PANX1: variants seen among roughly 807,000 people sequenced by gnomAD.
The protein encoded by PANX1 is pannexin 1, also known as pannexin-1.
Under a neutral mutation model 38.7 loss-of-function variants are expected in PANX1, and 30 were observed. The observed-to-expected ratio is 0.78, with a 90% confidence interval of 0.58 to 1.05. PANX1 has a LOEUF of 1.05. Among genes scored for constraint, PANX1 ranks in the 50% least tolerant of loss-of-function variants. PANX1 has a pLI of 0.00. For missense variants in PANX1, 551 were observed against 517.2 expected, an observed-to-expected ratio of 1.07 and a Z score of -0.63; for synonymous variants, 230 against 212.2, an observed-to-expected ratio of 1.08 and a Z score of -0.73.
intron 1 of PANX1, among the ~76,000 whole-genome samples, chr11:94,130,300 C>T (rs1343893478): frequency 1.3e-5 from 2 of 152,164 alleles, no homozygotes; most frequent in Non-Finnish European, 2.9e-5. Context: ...TTTGGGAAAA[C>T]TTTTGTCAGA....
intron 1 of PANX1, among the ~76,000 whole-genome samples, chr11:94,132,165 C>G (rs1394943232): frequency 6.6e-6 from 1 of 152,128 alleles, no homozygotes; most frequent in Non-Finnish European, 1.5e-5. Context: ...ATCATCAGAC[C>G]TTGCTAATTG....
chr11:94,139,843 T>TTAAAAGATG lies in PANX1; in HGVS notation c.181+10352_181+10353insAAAGATGTA, dbSNP rs1946740934. ...TCTGAACCTCGCTCTGTGTATCTCT[T>TTAAAAGATG]TACCTGTCTGTTCATTTGTATCCTT... On this transcript the variant is annotated intron_variant, in intron 1 of 4. Transcript: ENST00000227638. Among the ~76,000 whole-genome samples the TTAAAAGATG allele has an allele frequency of 2.0e-5, 3 of 152,238 alleles. No individual in the cohort carries two copies. In the East Asian group the frequency reaches 5.8e-4, roughly 29 times the overall value.
intron 1 of PANX1, among the ~76,000 whole-genome samples, chr11:94,139,828 GCT>G (rs1946740580): frequency 6.6e-6 from 1 of 152,172 alleles, no homozygotes; most frequent in African/African-American, 2.4e-5. Context: ...TCTGAACCTC[GCT>G]CTGTGTATCT....
chr11:94,147,415 A>C (rs956311928), intron 1 of PANX1, among the ~76,000 whole-genome samples: 113 of 151,990 alleles, frequency 7.4e-4, no homozygotes, highest in African/African-American at 2.6e-3. Flanking sequence ...TGACATTTAC[A>C]TTGGAATTAT....
intron 1 of PANX1, among the ~76,000 whole-genome samples, chr11:94,131,624 G>A (rs1396582246): frequency 1.3e-5 from 2 of 152,220 alleles, no homozygotes; most frequent in African/African-American, 2.4e-5. Flanking sequence ...AGACTCCCAT[G>A]TTTTCTGAAG....
At chr11:94,131,179 G>T (rs1946625710) in intron 1 of PANX1, among the ~76,000 whole-genome samples, 2 of 152,142 alleles carry the variant, frequency 1.3e-5, no homozygotes, top group Non-Finnish European at 2.9e-5. Context: ...TGCAAGTCTT[G>T]GGTACCTGGT....
At chr11:94,134,773 C>G (rs189230108) in intron 1 of PANX1, among the ~76,000 whole-genome samples, 2 of 151,918 alleles carry the variant, frequency 1.3e-5, no homozygotes, top group Non-Finnish European at 2.9e-5. Flanking sequence ...TGTGTGAGCA[C>G]GCTGGGAGAA....
Position 94,181,130 on chromosome 11 carries a change from G to C in PANX1, c.*261G>C, listed in dbSNP as rs555217309. 2 of 426,524 alleles carry C rather than the reference G, an allele frequency of 4.7e-6. No individual in the cohort carries two copies. Among genetic ancestry groups the C allele is most frequent in the African/African-American group, 2.0e-5 (1 of 51,076 alleles). The allele number at this position is 426,524 out of a possible 1,614,324, so 26.4% of individuals were successfully genotyped here. A position where few individuals can be genotyped will look rare whatever the true frequency, so the allele number is the denominator to read the frequency against. Reference sequence around the variant, plus strand: ...TGTGTAAGTCCTCATCAAATGAAAAGCAGAAAGACAAGAACAATTAGTCAA... The same window carrying C: ...TGTGTAAGTCCTCATCAAATGAAAACCAGAAAGACAAGAACAATTAGTCAA... On this transcript the variant is annotated 3_prime_UTR_variant, in exon 5 of 5. Coordinates refer to ENST00000227638, the MANE Select transcript of PANX1 (RefSeq NM_015368.4).
Position 94,158,206 on chromosome 11 carries a change from GC to G in PANX1, c.321+4577del, listed in dbSNP as rs542032766. 2.1e-4 allele frequency among the ~76,000 whole-genome samples: 32 copies of G among 152,186 alleles called. No homozygotes were observed. In the South Asian group the frequency reaches 6.6e-3, roughly 32 times the overall value. On this transcript the variant is annotated intron_variant, in intron 2 of 4. Transcript: ENST00000227638. The stretch of plus-strand genomic sequence containing the variant: ...TGATGCCTCCAGCTTAGTTCTTTTG[GC>G]TTAGGATTGACTTGGCGATGCAGGC...
chr11:94,178,343 C>G, intron 2 of PANX1, 26 bp from the exon 3 acceptor site: 1 of 1,571,512 alleles, frequency 6.4e-7, no homozygotes. Context: ...TTTGTTAAGC[C>G]CATGATTTGT....
intron 2 of PANX1, among the ~76,000 whole-genome samples, chr11:94,157,062 C>A (rs529112809): frequency 6.6e-6 from 1 of 152,086 alleles, no homozygotes; most frequent in East Asian, 1.9e-4. Context: ...TGAACTCATC[C>A]TTTTTTATGG....
At chr11:94,141,919 T>C (rs1946766306) in intron 1 of PANX1, among the ~76,000 whole-genome samples, 1 of 152,178 alleles carries the variant, frequency 6.6e-6, no homozygotes, top group South Asian at 2.1e-4. Flanking sequence ...TAGGAAGCAC[T>C]CAGCGCAGGT....
intron 2 of PANX1, among the ~76,000 whole-genome samples, chr11:94,163,532 A>G (rs942388728): frequency 4.6e-5 from 7 of 152,106 alleles, no homozygotes; most frequent in African/African-American, 1.7e-4. Flanking sequence ...AAATTTATTG[A>G]TTTGCATATG....
Position 94,180,752 on chromosome 11 carries a change from A to G in PANX1, c.1202-38A>G, listed in dbSNP as rs201011309. On this transcript the variant is annotated intron_variant, in intron 4 of 4. Transcript: ENST00000227638. ...TTGATTAGTATTGGTAATTCCTGCTATGTTTCTGTCATAAATATTTGTTTT... is the reference window on the plus strand; with the variant it reads ...TTGATTAGTATTGGTAATTCCTGCTGTGTTTCTGTCATAAATATTTGTTTT... 176 of 1,109,352 alleles carry G rather than the reference A, an allele frequency of 1.6e-4. No individual in the cohort carries two copies. In the African/African-American group the frequency reaches 2.1e-3, roughly 13 times the overall value. The allele number at this position is 1,109,352 out of a possible 1,614,324, so 68.7% of individuals were successfully genotyped here.
chr11:94,179,863 C>A lies in PANX1; in HGVS notation c.807C>A (p.Ala269=). The A allele has an allele frequency of 6.2e-7, 1 of 1,614,080 alleles. No individual in the cohort carries two copies. The highest frequency in any genetic ancestry group is 8.5e-7 in the Non-Finnish European group (1 of 1,180,024). ...ATCAGTTTCAGTGCAAACTCATTGC[C>A]GTGGGCATCTTCCAGTTGCTCAGTG... ...VPDQFQCKLI[A]VGIFQLLSVI... Residue 269 remains alanine, a synonymous_variant, in exon 4 of 5, where the codon GCC becomes GCA. Transcript: ENST00000227638.
chr11:94,138,923 T>C (rs1008847827), intron 1 of PANX1, among the ~76,000 whole-genome samples: 3 of 152,238 alleles, frequency 2.0e-5, no homozygotes, highest in African/African-American at 7.2e-5. Flanking sequence ...CTTAGGTCTA[T>C]CAGTTTTTTA....
At chr11:94,139,775 A>AT (rs1422769584) in intron 1 of PANX1, among the ~76,000 whole-genome samples, 4 of 152,214 alleles carry the variant, frequency 2.6e-5, no homozygotes, top group African/African-American at 4.8e-5. Flanking sequence ...AGGGTTGTGC[A>AT]TCCCAACTCC....
At chr11:94,170,156 C>T (rs896775536) in intron 2 of PANX1, among the ~76,000 whole-genome samples, 1 of 151,696 alleles carries the variant, frequency 6.6e-6, no homozygotes, top group Non-Finnish European at 1.5e-5. Flanking sequence ...CATTACCCAT[C>T]TCCTGAATTT....
intron 1 of PANX1, among the ~76,000 whole-genome samples, chr11:94,134,203 G>C (rs888387629): frequency 2.6e-5 from 4 of 152,214 alleles, no homozygotes; most frequent in African/African-American, 9.6e-5. Context: ...AGTGTGATCT[G>C]TGTGGCTTGG....
Sources: allele counts gnomAD v4.1 joint callset (sites outside exome capture counted in the v4.1 genomes callset), GRCh38; gene constraint gnomAD v4.1.1; transcripts MANE v1.5; gene names NCBI Gene and HGNC (gene_info 2026-07-23, HGNC 2026-07-21).